Variants in ERO1A observed in about 807,000 individuals in gnomAD.
ERO1A encodes the protein ERO1-like protein alpha.
In ERO1A, 49 loss-of-function variants were observed where a neutral mutation model predicts 76.9. The ratio of observed to expected loss-of-function variants is 0.64; its 90% CI spans 0.51 to 0.81. The LOEUF is 0.81. ERO1A is among the 30% of genes least tolerant of loss of function. ERO1A has a pLI of 0.00. For missense variants in ERO1A, 448 were observed against 542.1 expected (o/e 0.83, Z 1.72); for synonymous variants, 174 against 181.2 (o/e 0.96, Z 0.32).
intron 3 of ERO1A, among the ~76,000 whole-genome samples, chr14:52,681,511 G>A (rs1429057135): frequency 1.3e-5 from 2 of 152,076 alleles, no homozygotes; most frequent in South Asian, 4.1e-4. Context: ...GCTGGGGCAG[G>A]AGAATCGCTT....
At chr14:52,693,544 C>G (rs1218045428) in intron 1 of ERO1A, among the ~76,000 whole-genome samples, 3 of 152,158 alleles carry the variant, frequency 2.0e-5, no homozygotes, top group Non-Finnish European at 4.4e-5. Flanking sequence ...AGAACCCGGA[C>G]TAATACAGAC....
chr14:52,653,146 A>T lies in ERO1A; in HGVS notation c.978T>A (p.Asp326Glu), dbSNP rs773413061. Reference sequence around the variant, plus strand: ...TTTTATTTCCAGTAAAGAGTTGAAAATCTGGGCGCTCGAAGAATGGTAACA... The same window carrying T: ...TTTTATTTCCAGTAAAGAGTTGAAATTCTGGGCGCTCGAAGAATGGTAACA... The part of the protein sequence containing the change: ...SKVLPFFERP[D>E]FQLFTGNKIQ... Residue 326 changes from aspartate (D) to glutamate (E), a missense_variant, in exon 12 of 16, where the codon GAT (aspartate) becomes GAA (glutamate). Physicochemically the swap from Asp to Glu is conservative, Grantham distance 45. Around this residue, in one of 2 missense-constraint regions of ERO1A, gnomAD observed 302 missense variants for 411.9 expected, o/e 0.73. Coordinates refer to ENST00000395686, the MANE Select transcript of ERO1A (RefSeq NM_014584.3). 2.5e-6 allele frequency: 4 copies of T among 1,612,696 alleles called. No homozygotes were observed. The highest frequency in any genetic ancestry group is 3.4e-6 in the Non-Finnish European group (4 of 1,178,996).
chr14:52,650,349 ATTG>A (rs1379970497), intron 13 of ERO1A, among the ~76,000 whole-genome samples: 4 of 151,954 alleles, frequency 2.6e-5, no homozygotes, highest in African/African-American at 4.8e-5. Context: ...AGCCCAAATT[ATTG>A]TTAATTGTTA....
At chr14:52,680,815 A>T (rs1476909292) in intron 3 of ERO1A, among the ~76,000 whole-genome samples, 1 of 152,246 alleles carries the variant, frequency 6.6e-6, no homozygotes, top group African/African-American at 2.4e-5. Context: ...AACAAAAAAC[A>T]TGCTTCTCAT....
At chr14:52,676,135 G>A (rs2040775879) in intron 4 of ERO1A, among the ~76,000 whole-genome samples, 2 of 152,130 alleles carry the variant, frequency 1.3e-5, no homozygotes, top group East Asian at 1.9e-4. Flanking sequence ...TTTTGTGCAA[G>A]TTACATATCA....
chr14:52,689,355 G>T (rs1221023156), intron 1 of ERO1A, among the ~76,000 whole-genome samples: 2 of 152,150 alleles, frequency 1.3e-5, no homozygotes, highest in Non-Finnish European at 2.9e-5. Context: ...ACGTAAAATT[G>T]TCTCTTTTTG....
At chr14:52,676,859 A>AC (rs755267404) in intron 4 of ERO1A, among the ~76,000 whole-genome samples, 9 of 130,342 alleles carry the variant, frequency 6.9e-5, no homozygotes, top group South Asian at 2.5e-4. Flanking sequence ...ACATGGTAGA[A>AC]CCCCCCTATC....
chr14:52,664,987 C>T (rs1173377488), intron 7 of ERO1A, among the ~76,000 whole-genome samples: 1 of 151,964 alleles, frequency 6.6e-6, no homozygotes, highest in East Asian at 1.9e-4. Context: ...ACAACAGGGC[C>T]GGGCGTGGTG....
At chr14:52,649,817 G>A (rs547666212) in intron 13 of ERO1A, among the ~76,000 whole-genome samples, 1 of 152,232 alleles carries the variant, frequency 6.6e-6, no homozygotes, top group South Asian at 2.1e-4. Flanking sequence ...GGGAAGTCAA[G>A]AATAAGTATT....
intron 3 of ERO1A, among the ~76,000 whole-genome samples, chr14:52,681,025 T>C (rs2040975569): frequency 6.6e-6 from 1 of 152,188 alleles, no homozygotes; most frequent in African/African-American, 2.4e-5. Flanking sequence ...CTGGAACTCT[T>C]GTACATTGCT....
At chr14:52,681,672 T>C (rs551972519) in intron 3 of ERO1A, among the ~76,000 whole-genome samples, 5 of 152,278 alleles carry the variant, frequency 3.3e-5, no homozygotes, top group African/African-American at 1.2e-4. Context: ...TAAATTGTCA[T>C]TCAAAAATAT....
intron 1 of ERO1A, among the ~76,000 whole-genome samples, chr14:52,686,193 G>A (rs962153484): frequency 5.3e-5 from 8 of 152,108 alleles, no homozygotes; most frequent in Non-Finnish European, 1.0e-4. Flanking sequence ...CTCCAGCCTC[G>A]GCAACAAAGT....
chr14:52,693,988 T>C (rs1236294808), intron 1 of ERO1A, among the ~76,000 whole-genome samples: 1 of 152,206 alleles, frequency 6.6e-6, no homozygotes, highest in East Asian at 1.9e-4. Context: ...TTTAAAGTTC[T>C]ATTTTAAGCA....
chr14:52,679,371 T>C (rs769954798), intron 3 of ERO1A, among the ~76,000 whole-genome samples: 6 of 152,186 alleles, frequency 3.9e-5, no homozygotes, highest in African/African-American at 1.4e-4. Flanking sequence ...ACATTATCTG[T>C]ATTTATAAAC....
intron 1 of ERO1A, among the ~76,000 whole-genome samples, chr14:52,687,140 T>G (rs2041203307): frequency 6.6e-6 from 1 of 152,106 alleles, no homozygotes; most frequent in Non-Finnish European, 1.5e-5. Context: ...ACAAAGCATG[T>G]TACTAGAATA....
At chr14:52,686,315 C>T (rs2041174104) in intron 1 of ERO1A, among the ~76,000 whole-genome samples, 1 of 152,210 alleles carries the variant, frequency 6.6e-6, no homozygotes, top group Non-Finnish European at 1.5e-5. Context: ...TCTCATTAAA[C>T]ATATCTAGCA....
At chr14:52,688,258 C>T (rs1026830337) in intron 1 of ERO1A, among the ~76,000 whole-genome samples, 2 of 151,968 alleles carry the variant, frequency 1.3e-5, no homozygotes, top group African/African-American at 4.8e-5. Flanking sequence ...CTTTCTATTA[C>T]AATCTCCCAA....
At position 52,661,274 on chromosome 14, in the gene ERO1A, T is replaced by C. The variant is rs1044290382; in HGVS notation, c.688+19A>G. Reference sequence around the variant, plus strand: ...TATAAACAAATTCATATATGTAATATATAATAAATTATACTTACCTTCACT... The same window carrying C: ...TATAAACAAATTCATATATGTAATACATAATAAATTATACTTACCTTCACT... On this transcript the variant is annotated intron_variant, in intron 9 of 15. Coordinates refer to ENST00000395686, the MANE Select transcript of ERO1A (RefSeq NM_014584.3). 4 of 1,065,998 alleles carry C rather than the reference T, an allele frequency of 3.8e-6. No homozygotes were observed. The highest frequency in any genetic ancestry group is 5.3e-6 in the Non-Finnish European group (4 of 754,894). The allele number at this position is 1,065,998 out of a possible 1,614,324, so 66.0% of individuals were successfully genotyped here.
At chr14:52,652,406 A>G in intron 12 of ERO1A, 98 bp from the exon 13 acceptor site, 1 of 749,716 alleles carries the variant, frequency 1.3e-6, no homozygotes, top group South Asian at 1.8e-5. Flanking sequence ...TAAAGAGGAG[A>G]AAACATAGTA....
Sources: gnomAD v4.1 joint callset for allele counts (sites outside exome capture counted in the v4.1 genomes callset) on GRCh38, gnomAD v4.1.1 for gene constraint, gnomAD v4.1.1 regional missense constraint, MANE v1.5 for transcripts, NCBI Gene and HGNC (gene_info 2026-07-23, HGNC 2026-07-21) for gene names.